Variants in UBE2E2 observed in about 807,000 individuals in gnomAD.
UBE2E2 encodes ubiquitin-conjugating enzyme E2 E2.
In UBE2E2, 6 loss-of-function variants were observed where a neutral mutation model predicts 24.7. That is an observed-to-expected ratio of 0.24 (90% CI 0.13 to 0.48). The LOEUF is 0.48. Among genes scored for constraint, UBE2E2 ranks in the 20% least tolerant of loss-of-function variants. The pLI is 0.99. For synonymous variants in UBE2E2, 104 were observed against 83.6 expected (o/e 1.24, Z -1.33); for missense variants, 169 against 245.0 (o/e 0.69, Z 2.07).
chr3:23,580,688 T>G (rs989737754), intron 5 of UBE2E2, among the ~76,000 whole-genome samples: 3 of 152,190 alleles, frequency 2.0e-5, no homozygotes, highest in African/African-American at 7.2e-5. Flanking sequence ...CACATAAGAC[T>G]GCTAGGAAGC....
intron 3 of UBE2E2, among the ~76,000 whole-genome samples, chr3:23,462,302 A>G (rs1485097079): frequency 2.0e-5 from 3 of 152,154 alleles, no homozygotes; most frequent in Non-Finnish European, 2.9e-5. Context: ...ATGAAGTAGT[A>G]TTTTCAAGCT....
At chr3:23,322,692 C>A (rs1694777125) in intron 3 of UBE2E2, among the ~76,000 whole-genome samples, 1 of 151,992 alleles carries the variant, frequency 6.6e-6, no homozygotes, top group South Asian at 2.1e-4. Context: ...GTAAGCTTTA[C>A]AGTCTAAGGT....
intron 4 of UBE2E2, among the ~76,000 whole-genome samples, chr3:23,527,337 T>C (rs956956227): frequency 1.3e-5 from 2 of 152,226 alleles, no homozygotes; most frequent in Non-Finnish European, 2.9e-5. Flanking sequence ...TAAAAACTTA[T>C]GTTCACACAA....
intron 3 of UBE2E2, among the ~76,000 whole-genome samples, chr3:23,315,471 T>C (rs1259530899): frequency 6.6e-6 from 1 of 152,232 alleles, no homozygotes; most frequent in Non-Finnish European, 1.5e-5. Context: ...GGATGCTTTT[T>C]AATTATTTCA....
chr3:23,448,572 G>A (rs944009396), intron 3 of UBE2E2, among the ~76,000 whole-genome samples: 10 of 152,160 alleles, frequency 6.6e-5, no homozygotes, highest in Non-Finnish European at 4.4e-5. Context: ...AACTTTTACA[G>A]TAACATTAAA....
intron 3 of UBE2E2, among the ~76,000 whole-genome samples, chr3:23,284,054 A>C (rs1000894013): frequency 1.3e-5 from 2 of 152,298 alleles, no homozygotes; most frequent in East Asian, 1.9e-4. Context: ...TTTTGTGAGT[A>C]ATTAATTATA....
intron 3 of UBE2E2, among the ~76,000 whole-genome samples, chr3:23,349,199 C>G (rs1695651653): frequency 6.6e-6 from 1 of 152,036 alleles, no homozygotes; most frequent in Non-Finnish European, 1.5e-5. Context: ...AAGTGAAGCT[C>G]ATGAAAAGCC....
chr3:23,329,032 C>G (rs1225732393), intron 3 of UBE2E2, among the ~76,000 whole-genome samples: 1 of 152,196 alleles, frequency 6.6e-6, no homozygotes, highest in Non-Finnish European at 1.5e-5. Context: ...TCAATACTTA[C>G]GCCCTTGCCC....
intron 5 of UBE2E2, among the ~76,000 whole-genome samples, chr3:23,540,684 T>A (rs554834670): frequency 6.6e-6 from 1 of 152,228 alleles, no homozygotes; most frequent in East Asian, 1.9e-4. Context: ...ATTACAGGCA[T>A]GAGCCACCGT....
intron 3 of UBE2E2, among the ~76,000 whole-genome samples, chr3:23,412,381 C>T (rs2125382562): frequency 6.6e-6 from 1 of 152,072 alleles, no homozygotes; most frequent in East Asian, 1.9e-4. Context: ...GTAGTGACAG[C>T]AGCAAGACTA....
intron 3 of UBE2E2, among the ~76,000 whole-genome samples, chr3:23,328,736 A>G (rs993750739): frequency 6.7e-6 from 1 of 149,806 alleles, no homozygotes; most frequent in Non-Finnish European, 1.5e-5. Context: ...ATCTTGACTC[A>G]TTGCAACCTC....
chr3:23,256,721 C>T (rs1206908083), intron 3 of UBE2E2, among the ~76,000 whole-genome samples: 1 of 150,562 alleles, frequency 6.6e-6, no homozygotes, highest in East Asian at 2.0e-4. Context: ...TAACACAGTG[C>T]GTTACATATT....
At chr3:23,274,656 C>T (rs1009352603) in intron 3 of UBE2E2, among the ~76,000 whole-genome samples, 30 of 152,104 alleles carry the variant, frequency 2.0e-4, no homozygotes, top group African/African-American at 5.8e-4. Flanking sequence ...TATGAGCCAT[C>T]GCGCCCAGCC....
At chr3:23,517,643 C>T (rs748941158) in intron 4 of UBE2E2, among the ~76,000 whole-genome samples, 4 of 151,974 alleles carry the variant, frequency 2.6e-5, no homozygotes, top group Admixed American at 2.0e-4. Flanking sequence ...AAATTTGTTC[C>T]CTTTGTAAAT....
intron 4 of UBE2E2, among the ~76,000 whole-genome samples, chr3:23,522,539 A>T (rs59708186): frequency 0.086 from 13,063 of 151,954 alleles, 714 homozygotes; most frequent in South Asian, 0.21. Context: ...GTGAGTTTGT[A>T]CTCTTAGAGT....
chr3:23,351,049 T>C (rs1695733327), intron 3 of UBE2E2, among the ~76,000 whole-genome samples: 1 of 152,160 alleles, frequency 6.6e-6, no homozygotes, highest in Non-Finnish European at 1.5e-5. Flanking sequence ...CGGCAGAAAC[T>C]CTACAAGCCA....
chr3:23,279,687 C>T (rs1184843039), intron 3 of UBE2E2, among the ~76,000 whole-genome samples: 2 of 152,158 alleles, frequency 1.3e-5, no homozygotes, highest in African/African-American at 4.8e-5. Context: ...GGTGTTTTCT[C>T]TAATCAGTGC....
chr3:23,546,379 T>C (rs1695521371), intron 5 of UBE2E2, among the ~76,000 whole-genome samples: 1 of 151,408 alleles, frequency 6.6e-6, no homozygotes, highest in African/African-American at 2.4e-5. Context: ...TGTCTTTTAC[T>C]CAGAACTATT....
chr3:23,485,890 A>G (rs1412890551), intron 3 of UBE2E2, among the ~76,000 whole-genome samples: 1 of 152,224 alleles, frequency 6.6e-6, no homozygotes, highest in Admixed American at 6.5e-5. Flanking sequence ...TACTGTTTCC[A>G]TGGTATAAGT....
Sources: allele counts gnomAD v4.1 joint callset (sites outside exome capture counted in the v4.1 genomes callset), GRCh38; gene constraint gnomAD v4.1.1; transcripts MANE v1.5; gene names NCBI Gene and HGNC (gene_info 2026-07-23, HGNC 2026-07-21).